KCNIP4: variants seen among roughly 807,000 people sequenced by gnomAD.
KCNIP4 encodes potassium voltage-gated channel interacting protein 4.
Under a neutral mutation model 34.0 loss-of-function variants are expected in KCNIP4, and 12 were observed. The ratio of observed to expected loss-of-function variants is 0.35; its 90% CI spans 0.23 to 0.57. The LOEUF is 0.57. Among genes scored for constraint, KCNIP4 ranks in the 20% least tolerant of loss-of-function variants. The probability of loss-of-function intolerance (pLI) is 0.83; values close to 1 mark genes in which losing one functional copy is unlikely to be tolerated. For missense variants in KCNIP4, 238 were observed against 311.7 expected (o/e 0.76, Z 1.78); for synonymous variants, 124 against 102.2 (o/e 1.21, Z -1.29).
At chr4:21,635,756 A>G (rs987179324) in intron 1 of KCNIP4, among the ~76,000 whole-genome samples, 11 of 152,288 alleles carry the variant, frequency 7.2e-5, no homozygotes, top group African/African-American at 2.6e-4. Flanking sequence ...CTAGAACTGG[A>G]AATACCATTT....
chr4:21,046,053 A>C (rs535775695), intron 1 of KCNIP4, among the ~76,000 whole-genome samples: 226 of 152,346 alleles, frequency 1.5e-3, no homozygotes, highest in African/African-American at 5.4e-3. Flanking sequence ...ATGACAACAA[A>C]ATTTAAATGC....
At chr4:21,168,007 C>T (rs1291995100) in intron 1 of KCNIP4, among the ~76,000 whole-genome samples, 1 of 152,142 alleles carries the variant, frequency 6.6e-6, no homozygotes, top group Non-Finnish European at 1.5e-5. Flanking sequence ...CACTCTGTAT[C>T]CATTATCATT....
intron 1 of KCNIP4, among the ~76,000 whole-genome samples, chr4:21,900,122 CTTAAA>C (rs1727625153): frequency 6.6e-6 from 1 of 152,042 alleles, no homozygotes; most frequent in Admixed American, 6.6e-5. Flanking sequence ...AATAGTTTTT[CTTAAA>C]TTATAGAAAA....
intron 1 of KCNIP4, among the ~76,000 whole-genome samples, chr4:21,513,168 G>A (rs1335629038): frequency 1.3e-5 from 2 of 152,210 alleles, no homozygotes; most frequent in African/African-American, 4.8e-5. Context: ...CTGTGGAAGA[G>A]TTCCTTCTCC....
At chr4:20,732,121 A>C in intron 7 of KCNIP4, 53 bp from the exon 8 acceptor site, 1 of 1,211,428 alleles carries the variant, frequency 8.3e-7, no homozygotes, top group Admixed American at 1.8e-5. Flanking sequence ...TAATACCCTC[A>C]CACCTGGACC....
chr4:20,882,229 G>A lies in KCNIP4; in HGVS notation c.163+379C>T, dbSNP rs536642861. On this transcript the variant is annotated intron_variant, in intron 2 of 8. Transcript: ENST00000382152. ...TTCTGAATTTGGGCAGTGTCCACTG[G>A]GATTATAGACCCAGTGGATGAGAGT... Among the ~76,000 whole-genome samples the A allele has an allele frequency of 2.6e-5, 4 of 152,172 alleles. No individual in the cohort carries two copies. The East Asian group carries it at 5.8e-4, about 22-fold the overall frequency.
intron 3 of KCNIP4, among the ~76,000 whole-genome samples, chr4:20,839,940 C>T (rs1719519693): frequency 6.6e-6 from 1 of 152,114 alleles, no homozygotes; most frequent in South Asian, 2.1e-4. Context: ...CTTAGAAAGG[C>T]CTGCTTGCAA....
At chr4:20,857,453 C>A (rs1454260524) in intron 2 of KCNIP4, among the ~76,000 whole-genome samples, 1 of 151,540 alleles carries the variant, frequency 6.6e-6, no homozygotes, top group South Asian at 2.1e-4. Flanking sequence ...CTCACAATAA[C>A]CCCAGAGTGA....
chr4:21,835,076 C>T (rs1051203453), intron 1 of KCNIP4, among the ~76,000 whole-genome samples: 9 of 151,840 alleles, frequency 5.9e-5, no homozygotes, highest in African/African-American at 1.7e-4. Context: ...TGTCTCTGCC[C>T]AGCTTGAATT....
At chr4:21,571,657 A>G (rs1740378181) in intron 1 of KCNIP4, among the ~76,000 whole-genome samples, 1 of 151,874 alleles carries the variant, frequency 6.6e-6, no homozygotes, top group Non-Finnish European at 1.5e-5. Flanking sequence ...GGCAAGTTAA[A>G]TGAAAACTCA....
chr4:21,315,144 G>A (rs1164255234), intron 1 of KCNIP4: 2 of 152,188 alleles, frequency 1.3e-5, no homozygotes. Context: ...ACATCTCAGA[G>A]TTGTTAAGTT....
intron 1 of KCNIP4, among the ~76,000 whole-genome samples, chr4:21,691,299 C>A (rs1269863346): frequency 6.6e-6 from 1 of 152,118 alleles, no homozygotes; most frequent in African/African-American, 2.4e-5. Flanking sequence ...TCCTAACAGG[C>A]CTCTGTGGGT....
chr4:21,118,412 G>A (rs1226577976), intron 1 of KCNIP4, among the ~76,000 whole-genome samples: 1 of 152,164 alleles, frequency 6.6e-6, no homozygotes, highest in Non-Finnish European at 1.5e-5. Context: ...AGTCATAGAA[G>A]ATGCTCCACT....
At chr4:21,872,847 C>G (rs559299436) in intron 1 of KCNIP4, among the ~76,000 whole-genome samples, 16 of 152,276 alleles carry the variant, frequency 1.1e-4, no homozygotes, top group Admixed American at 9.2e-4. Flanking sequence ...ATAGTATTAA[C>G]TTTTTCTATG....
chr4:21,671,907 A>T (rs1168650799), intron 1 of KCNIP4, among the ~76,000 whole-genome samples: 1 of 152,188 alleles, frequency 6.6e-6, no homozygotes, highest in African/African-American at 2.4e-5. Context: ...AAGCAAACGC[A>T]TCCCACTAGA....
chr4:21,352,008 T>C (rs956676528), intron 1 of KCNIP4, among the ~76,000 whole-genome samples: 6 of 152,178 alleles, frequency 3.9e-5, no homozygotes, highest in Admixed American at 6.5e-5. Context: ...ATAACATCAG[T>C]TATGTCCTGA....
At chr4:21,927,897 T>C (rs1729353882) in intron 1 of KCNIP4, among the ~76,000 whole-genome samples, 2 of 152,128 alleles carry the variant, frequency 1.3e-5, no homozygotes, top group South Asian at 4.2e-4. Flanking sequence ...ACCCACACGA[T>C]GAGGATATAA....
chr4:21,092,511 A>C (rs1461379802), intron 1 of KCNIP4, among the ~76,000 whole-genome samples: 2 of 152,320 alleles, frequency 1.3e-5, no homozygotes, highest in East Asian at 3.9e-4. Flanking sequence ...TGGTTAAAGA[A>C]TGAACTTGAG....
At chr4:21,113,802 A>G (rs527726881) in intron 1 of KCNIP4, among the ~76,000 whole-genome samples, 30 of 152,350 alleles carry the variant, frequency 2.0e-4, no homozygotes, top group African/African-American at 7.2e-4. Context: ...CCATAAAAAC[A>G]CAAGGCGTTT....
Sources: allele counts gnomAD v4.1 joint callset (sites outside exome capture counted in the v4.1 genomes callset), GRCh38; gene constraint gnomAD v4.1.1; transcripts MANE v1.5; gene names NCBI Gene and HGNC (gene_info 2026-07-23, HGNC 2026-07-21).